The following FBXO11 variants were observed in gnomAD, a reference collection of about 807,000 sequenced individuals.
FBXO11 encodes F-box only protein 11.
FBXO11 carries 13 observed loss-of-function variants against 117.0 expected under a neutral mutation model. The ratio of observed to expected loss-of-function variants is 0.11; its 90% CI spans 0.07 to 0.18. FBXO11 has a LOEUF of 0.18. FBXO11 is among the 10% of genes least tolerant of loss of function. FBXO11 has a pLI of 1.00. For synonymous variants in FBXO11, 490 were observed against 380.5 expected (o/e 1.29, Z -3.35); for missense variants, 767 against 1,164.4 (o/e 0.66, Z 4.97).
chr2:47,818,767 GA>G lies in FBXO11; in HGVS notation c.2006+11del. The G allele has an allele frequency of 6.4e-7, 1 of 1,560,806 alleles. No individual in the cohort carries two copies. The highest frequency in any genetic ancestry group is 8.6e-7 in the Non-Finnish European group (1 of 1,160,184). The stretch of plus-strand genomic sequence containing the variant: ...TCCCTCCCAAAAGATAGCCAAATAT[GA>G]AAACATTTACCTTATCTGAACCCCT... On this transcript the variant is annotated intron_variant, in intron 16 of 22. Transcript: ENST00000403359.
intron 11 of FBXO11, among the ~76,000 whole-genome samples, chr2:47,828,339 TA>T (rs1434289096): frequency 6.6e-6 from 1 of 152,112 alleles, no homozygotes. Context: ...TTTTTTGAAG[TA>T]AAACATTCTT....
chr2:47,902,094 C>G (rs1379731520), intron 1 of FBXO11, among the ~76,000 whole-genome samples: 2 of 152,210 alleles, frequency 1.3e-5, no homozygotes, highest in Admixed American at 6.5e-5. Context: ...AGCCGCCATG[C>G]CTGGCTCATT....
chr2:47,902,439 C>T (rs1678366839), intron 1 of FBXO11, among the ~76,000 whole-genome samples: 2 of 152,196 alleles, frequency 1.3e-5, no homozygotes, highest in Admixed American at 6.5e-5. Flanking sequence ...TTTGAAAAAT[C>T]CTCAAAGATT....
At chr2:47,818,903 C>G in intron 15 of FBXO11, 39 bp from the exon 16 acceptor site, 2 of 1,572,844 alleles carry the variant, frequency 1.3e-6, no homozygotes, top group Non-Finnish European at 1.7e-6. Flanking sequence ...TTTCAAGGGA[C>G]AAGTATTTAC....
At chr2:47,891,304 C>A (rs978180218) in intron 1 of FBXO11, among the ~76,000 whole-genome samples, 8 of 152,134 alleles carry the variant, frequency 5.3e-5, no homozygotes, top group African/African-American at 1.9e-4. Context: ...CCCTTTCACC[C>A]CTGACAACCA....
chr2:47,879,241 A>T (rs1001062573), intron 1 of FBXO11, among the ~76,000 whole-genome samples: 1 of 152,238 alleles, frequency 6.6e-6, no homozygotes, highest in Non-Finnish European at 1.5e-5. Context: ...ATTACAGAAT[A>T]ATCTGATACA....
At chr2:47,842,021 A>AT (rs751568731) in intron 1 of FBXO11, among the ~76,000 whole-genome samples, 10,894 of 140,866 alleles carry the variant, frequency 0.077, 534 homozygotes, top group Non-Finnish European at 0.11. Flanking sequence ...TTTTATTTTT[A>AT]TTTTTTTTTT....
chr2:47,874,128 C>T (rs539325536), intron 1 of FBXO11, among the ~76,000 whole-genome samples: 5 of 152,150 alleles, frequency 3.3e-5, no homozygotes, highest in East Asian at 3.9e-4. Context: ...GCAGGAGAAT[C>T]GCTTGAACCT....
chr2:47,809,484 A>G lies in FBXO11; in HGVS notation c.2446+116T>C, dbSNP rs1051174863. The stretch of plus-strand genomic sequence containing the variant: ...CAAAGCTCTGTTTCTTTCAAAATCT[A>G]TCTTAAACTGTTGCTAACTTGGAGA... On this transcript the variant is annotated intron_variant, in intron 20 of 22. Coordinates refer to ENST00000403359, the MANE Select transcript of FBXO11 (RefSeq NM_001190274.2). 5 of 800,134 alleles carry G rather than the reference A, an allele frequency of 6.2e-6. No homozygotes were observed. In the African/African-American group the frequency reaches 7.0e-5, roughly 11 times the overall value. 49.6% of individuals were successfully genotyped at this position (800,134 alleles called of 1,614,324 possible).
In FBXO11 at chr2:47,842,084, C is replaced by A. The variant is rs563640459; in HGVS notation, c.233-2315G>T. 1.3e-4 allele frequency among the ~76,000 whole-genome samples: 20 copies of A among 151,666 alleles called. No individual in the cohort carries two copies. The South Asian group carries it at 4.2e-3, about 32-fold the overall frequency. ...AGGCTGGAGTGCAGTTGCGCGATCT[C>A]GGCTCACTGCAACCTCCGTCTCCTG... On this transcript the variant is annotated intron_variant, in intron 1 of 22. Transcript: ENST00000403359.
intron 1 of FBXO11, among the ~76,000 whole-genome samples, chr2:47,867,649 G>C (rs1368097801): frequency 1.3e-5 from 2 of 152,144 alleles, no homozygotes; most frequent in Non-Finnish European, 2.9e-5. Flanking sequence ...AAGAACATCA[G>C]GACCTTAAGC....
chr2:47,850,040 G>A (rs17395820), intron 1 of FBXO11, among the ~76,000 whole-genome samples: 1 of 152,128 alleles, frequency 6.6e-6, no homozygotes, highest in Admixed American at 6.5e-5. Context: ...GGCAGGAGAC[G>A]AGTAAGGGAG....
intron 1 of FBXO11, among the ~76,000 whole-genome samples, chr2:47,856,764 C>G (rs1217964757): frequency 6.6e-6 from 1 of 152,136 alleles, no homozygotes; most frequent in Non-Finnish European, 1.5e-5. Flanking sequence ...AAGAAAACTT[C>G]ACTAACAATA....
intron 1 of FBXO11, among the ~76,000 whole-genome samples, chr2:47,841,071 G>A (rs1014418426): frequency 2.6e-5 from 4 of 151,932 alleles, no homozygotes; most frequent in South Asian, 2.1e-4. Context: ...GGTAGCGGGC[G>A]CCCGTAGTCC....
At chr2:47,842,289 C>T (rs1673075955) in intron 1 of FBXO11, among the ~76,000 whole-genome samples, 4 of 152,172 alleles carry the variant, frequency 2.6e-5, no homozygotes, top group African/African-American at 7.2e-5. Context: ...GCTGGGATTA[C>T]AGGCGTGAGC....
rs372991314 is a variant in FBXO11, at chr2:47,832,562, T to C, written c.1260+10A>G. 8 of 1,606,896 alleles carry C rather than the reference T, an allele frequency of 5.0e-6. No individual in the cohort carries two copies. Among genetic ancestry groups the C allele is most frequent in the Non-Finnish European group, 6.8e-6 (8 of 1,177,472 alleles). Reference sequence around the variant, plus strand: ...TAAAAAGAAAAAAACCACACAAAATTAAAAAATACCTGTGCATGATCTGTT... The same window carrying C: ...TAAAAAGAAAAAAACCACACAAAATCAAAAAATACCTGTGCATGATCTGTT... On this transcript the variant is annotated intron_variant, in intron 10 of 22. Coordinates refer to ENST00000403359, the MANE Select transcript of FBXO11 (RefSeq NM_001190274.2).
intron 1 of FBXO11, among the ~76,000 whole-genome samples, chr2:47,878,914 C>T (rs2103886779): frequency 6.6e-6 from 1 of 152,058 alleles, no homozygotes; most frequent in East Asian, 2.0e-4. Flanking sequence ...GGGAGGCAGA[C>T]ATTGTAGTGA....
intron 1 of FBXO11, among the ~76,000 whole-genome samples, chr2:47,849,321 T>G: frequency 6.6e-6 from 1 of 152,276 alleles, no homozygotes; most frequent in Non-Finnish European, 1.5e-5. Context: ...TCTGATTTTA[T>G]AGTTACATTT....
At chr2:47,869,982 T>G (rs1675504377) in intron 1 of FBXO11, among the ~76,000 whole-genome samples, 1 of 152,170 alleles carries the variant, frequency 6.6e-6, no homozygotes. Flanking sequence ...TGGCCAAGAT[T>G]AGAATTTAAA....
Sources: gnomAD v4.1 joint callset for allele counts (sites outside exome capture counted in the v4.1 genomes callset) on GRCh38, gnomAD v4.1.1 for gene constraint, MANE v1.5 for transcripts, NCBI Gene and HGNC (gene_info 2026-07-23, HGNC 2026-07-21) for gene names.